The following SEMA4B variants were observed in gnomAD, a reference collection of about 807,000 sequenced individuals.
The protein encoded by SEMA4B is semaphorin-4B.
A neutral mutation model predicts 88.1 loss-of-function variants in SEMA4B; 55 were observed. The observed-to-expected ratio is 0.62, with a 90% CI of 0.50 to 0.78. The LOEUF is 0.78. SEMA4B is among the 30% of genes least tolerant of loss of function. The pLI, the probability that SEMA4B is intolerant of heterozygous loss-of-function variation, is 0.00. For missense variants in SEMA4B, 1,062 were observed against 1,111.9 expected (o/e 0.96, Z 0.64); for synonymous variants, 525 against 473.6 (o/e 1.11, Z -1.41).
intron 3 of SEMA4B, among the ~76,000 whole-genome samples, chr15:90,218,545 C>T (rs139882594): frequency 6.6e-6 from 1 of 152,104 alleles, no homozygotes; most frequent in Non-Finnish European, 1.5e-5. Flanking sequence ...CCCAGCACTT[C>T]GGGAGGCTGA....
At chr15:90,226,261 G>T (rs956848993) in intron 12 of SEMA4B, among the ~76,000 whole-genome samples, 1 of 152,040 alleles carries the variant, frequency 6.6e-6, no homozygotes, top group Admixed American at 6.6e-5. Context: ...AGAGAGAATC[G>T]CAGTGAGATT....
intron 1 of SEMA4B, among the ~76,000 whole-genome samples, chr15:90,216,081 C>T (rs1026772728): frequency 6.6e-6 from 1 of 151,506 alleles, no homozygotes; most frequent in African/African-American, 2.4e-5. Flanking sequence ...CTCTGCATCC[C>T]AGGTTCAAGC....
chr15:90,192,445 G>A (rs1397267713), intron 1 of SEMA4B, among the ~76,000 whole-genome samples: 1 of 152,252 alleles, frequency 6.6e-6, no homozygotes, highest in Non-Finnish European at 1.5e-5. Context: ...CACTTGGGAG[G>A]CCAGATGTAG....
chr15:90,223,562 G>T lies in SEMA4B; in HGVS notation c.865G>T (p.Asp289Tyr). ...GCCCATCCGACTCTCCCTCCAGGGC[G>T]ATGAGGGTGGAGAGCGGGTGCTACA... Reference protein sequence around the residue: ...VSRIARICKGDEGGERVLQQR... With the variant: ...VSRIARICKGYEGGERVLQQR... The change falls in exon 8 of 14, where the codon GAT (aspartate) becomes TAT (tyrosine). Residue 289 changes from aspartate (D) to tyrosine (Y), a missense_variant. By Grantham distance (160) the Asp-to-Tyr change is radical. Coordinates refer to ENST00000411539, the MANE Select transcript of SEMA4B (RefSeq NM_198925.4). The T allele has an allele frequency of 6.3e-7, 1 of 1,585,944 alleles. No individual in the cohort carries two copies.
At position 90,192,953 on chromosome 15, in the gene SEMA4B, T is replaced by C. The variant is rs149140109; in HGVS notation, c.-122+7872T>C. 1.7e-3 allele frequency among the ~76,000 whole-genome samples: 256 copies of C among 152,122 alleles called. 1 individual carries two copies. In the Middle Eastern group the frequency reaches 0.024, roughly 14 times the overall value. On this transcript the variant is annotated intron_variant, in intron 1 of 14. Coordinates refer to the SEMA4B transcript ENST00000332496. The stretch of plus-strand genomic sequence containing the variant: ...TTGTGCTTCTGTCCTTGTGTATGTA[T>C]GTGTGTGTGTATGAGAGAGAGAAAA...
intron 9 of SEMA4B, 78 bp downstream of exon 9, chr15:90,224,066 C>G: frequency 7.0e-7 from 1 of 1,429,198 alleles, no homozygotes; most frequent in Non-Finnish European, 9.5e-7. Flanking sequence ...GCAAGGCTGC[C>G]TAGCCTCGGG....
chr15:90,195,511 A>G (rs1960471545), intron 1 of SEMA4B, among the ~76,000 whole-genome samples: 1 of 151,964 alleles, frequency 6.6e-6, no homozygotes, highest in Admixed American at 6.6e-5. Flanking sequence ...GTAGAATACT[A>G]CTCATGCTGG....
chr15:90,217,718 C>T (rs779312342), intron 2 of SEMA4B, 49 bp from the exon 3 acceptor site: 37 of 1,597,186 alleles, frequency 2.3e-5, no homozygotes, highest in Non-Finnish European at 3.0e-5. Flanking sequence ...GAGGGAGGCT[C>T]AGCAAACCCT....
Position 90,201,494 on chromosome 15 carries a change from G to C in SEMA4B, c.-85G>C, listed in dbSNP as rs1567045728. ...GGGGCCCCCGGGGCGACTCGGGGGC[G>C]GACCGCGGGGCGGAGCTGCCGCCCG... On this transcript the variant is annotated 5_prime_UTR_variant, in exon 1 of 14. Coordinates refer to ENST00000411539, the MANE Select transcript of SEMA4B (RefSeq NM_198925.4). 1.4e-5 allele frequency: 18 copies of C among 1,312,724 alleles called. No individual in the cohort carries two copies. The highest frequency in any genetic ancestry group is 1.5e-5 in the Non-Finnish European group (16 of 1,034,156). 81.3% of individuals were successfully genotyped at this position (1,312,724 alleles called of 1,614,324 possible).
chr15:90,185,734 CAAACTTT>C (rs1960145350), intron 1 of SEMA4B, among the ~76,000 whole-genome samples: 1 of 152,118 alleles, frequency 6.6e-6, no homozygotes, highest in East Asian at 1.9e-4. Context: ...GGGAAGCATA[CAAACTTT>C]TAAAAAGTTT....
chr15:90,219,928 G>C lies in SEMA4B; in HGVS notation c.483+37G>C, dbSNP rs372655961. 34 of 1,485,108 alleles carry C rather than the reference G, an allele frequency of 2.3e-5. No homozygotes were observed. The African/African-American group carries it at 2.4e-4, about 10-fold the overall frequency. 92.0% of individuals were successfully genotyped at this position (1,485,108 alleles called of 1,614,324 possible). ...GTCCTCAGCCCTGAGGCTGACCTGGGAACTGCCCCTCTTTCTGCCCCAGGG... is the reference window on the plus strand; with the variant it reads ...GTCCTCAGCCCTGAGGCTGACCTGGCAACTGCCCCTCTTTCTGCCCCAGGG... On this transcript the variant is annotated intron_variant, in intron 4 of 13. Coordinates refer to ENST00000411539, the MANE Select transcript of SEMA4B (RefSeq NM_198925.4).
At chr15:90,187,831 C>T (rs1011994439) in intron 1 of SEMA4B, among the ~76,000 whole-genome samples, 1 of 151,770 alleles carries the variant, frequency 6.6e-6, no homozygotes, top group Admixed American at 6.6e-5. Flanking sequence ...ATGGTGAAAT[C>T]TTGTCTCTAC....
intron 1 of SEMA4B, among the ~76,000 whole-genome samples, chr15:90,209,845 C>T (rs1961174986): frequency 6.6e-6 from 1 of 152,170 alleles, no homozygotes; most frequent in Admixed American, 6.5e-5. Context: ...GAGAATTGGG[C>T]CCTTGAGTTG....
rs547650859 is a variant in SEMA4B at position 90,229,233 on chromosome 15, T to C, written c.*590T>C. On this transcript the variant is annotated 3_prime_UTR_variant, in exon 14 of 14. Coordinates refer to ENST00000411539, the MANE Select transcript of SEMA4B (RefSeq NM_198925.4). ...CACCTCAGGGACCAGAGGGCTAGGT[T>C]GGCACTGCGGCCCTCACCAGGTCCT... The C allele has an allele frequency of 7.4e-5, 33 of 448,940 alleles. No homozygotes were observed. The highest frequency in any genetic ancestry group is 1.4e-4 in the Non-Finnish European group (31 of 222,272). 27.8% of individuals were successfully genotyped at this position (448,940 alleles called of 1,614,324 possible).
intron 1 of SEMA4B, among the ~76,000 whole-genome samples, chr15:90,214,304 G>A (rs185935873): frequency 0.026 from 3,701 of 140,924 alleles, 150 homozygotes; most frequent in African/African-American, 0.091. Flanking sequence ...CTCCAGCCTG[G>A]ACAACAAGAG....
In SEMA4B at chr15:90,201,725, C is replaced by T. The variant is rs538770006; in HGVS notation, c.147C>T (p.Ser49=). The T allele has an allele frequency of 2.9e-5, 43 of 1,476,826 alleles. No homozygotes were observed. The East Asian group carries it at 1.1e-3, about 39-fold the overall frequency. The allele number at this position is 1,476,826 out of a possible 1,614,324, so 91.5% of individuals were successfully genotyped here. A position where few individuals can be genotyped will look rare whatever the true frequency, so the allele number is the denominator to read the frequency against. Residue 49 remains serine, a synonymous_variant, in exon 1 of 14, where the codon AGC becomes AGT. Coordinates refer to ENST00000411539, the MANE Select transcript of SEMA4B (RefSeq NM_198925.4). ...CCTGGGCGCTCAGCCCCCGGATCAG[C>T]CTGCCTCTGGGTGAGTGCCGGGGAC... The part of the protein sequence containing the change: ...PPTWALSPRI[S]LPLGSEERPF...
intron 1 of SEMA4B, among the ~76,000 whole-genome samples, chr15:90,204,489 G>A (rs1196612351): frequency 6.6e-6 from 1 of 152,204 alleles, no homozygotes; most frequent in African/African-American, 2.4e-5. Flanking sequence ...CCAGTGGCCA[G>A]TAGGGAGAGG....
chr15:90,185,141 C>G (rs1037997733), intron 1 of SEMA4B: 7 of 884,636 alleles, frequency 7.9e-6, no homozygotes, highest in South Asian at 1.0e-4. Flanking sequence ...GCGGACCAGG[C>G]GAAAACCGCC....
At chr15:90,196,790 T>G (rs938948915), upstream of SEMA4B, among the ~76,000 whole-genome samples, 5 of 152,178 alleles carry the variant, frequency 3.3e-5, no homozygotes, top group African/African-American at 1.2e-4. Flanking sequence ...CCCGGCCTCT[T>G]CTACATTATT....
Sources: gnomAD v4.1 joint callset for allele counts (sites outside exome capture counted in the v4.1 genomes callset) on GRCh38, gnomAD v4.1.1 for gene constraint, MANE v1.5 for transcripts, NCBI Gene and HGNC (gene_info 2026-07-23, HGNC 2026-07-21) for gene names.